Variants in DGKB observed in about 807,000 individuals in gnomAD.
The protein encoded by DGKB is diacylglycerol kinase beta.
A neutral mutation model predicts 114.3 loss-of-function variants in DGKB; 67 were observed. The ratio of observed to expected loss-of-function variants is 0.59; its 90% CI spans 0.48 to 0.72. DGKB has a LOEUF of 0.72. DGKB is among the 30% of genes least tolerant of loss of function. The pLI is 0.00. For synonymous variants in DGKB, 398 were observed against 323.1 expected (o/e 1.23, Z -2.49); for missense variants, 907 against 975.2 (o/e 0.93, Z 0.93).
At chr7:14,382,656 C>G (rs1362757792) in intron 21 of DGKB, among the ~76,000 whole-genome samples, 1 of 151,972 alleles carries the variant, frequency 6.6e-6, no homozygotes, top group East Asian at 1.9e-4. Context: ...TTTGGAGAAC[C>G]CAATAGGTAA....
intron 23 of DGKB, among the ~76,000 whole-genome samples, chr7:14,277,743 T>C (rs1381439182): frequency 1.3e-5 from 2 of 152,226 alleles, no homozygotes; most frequent in Non-Finnish European, 2.9e-5. Context: ...GATATCCTTT[T>C]GACATATTGA....
chr7:14,232,746 G>T (rs1166744438), intron 23 of DGKB, among the ~76,000 whole-genome samples: 1 of 151,992 alleles, frequency 6.6e-6, no homozygotes, highest in Non-Finnish European at 1.5e-5. Flanking sequence ...AGTGTAAAGT[G>T]TTTTATCATT....
At chr7:14,571,171 T>A (rs887962966) in intron 20 of DGKB, among the ~76,000 whole-genome samples, 1 of 152,152 alleles carries the variant, frequency 6.6e-6, no homozygotes, top group African/African-American at 2.4e-5. Flanking sequence ...AAATGTTTAT[T>A]TAGGAAAAAC....
At chr7:14,786,185 T>C (rs2128497035) in intron 2 of DGKB, among the ~76,000 whole-genome samples, 1 of 152,108 alleles carries the variant, frequency 6.6e-6, no homozygotes. Context: ...TAAGATATTA[T>C]ATTCTAGTAT....
At chr7:14,279,028 C>A (rs942164875) in intron 23 of DGKB, among the ~76,000 whole-genome samples, 3 of 152,074 alleles carry the variant, frequency 2.0e-5, no homozygotes, top group South Asian at 2.1e-4. Flanking sequence ...GTGCACGCAC[C>A]GTGAGCGAGC....
At chr7:14,866,228 A>G (rs1851694532) in intron 1 of DGKB, among the ~76,000 whole-genome samples, 1 of 152,160 alleles carries the variant, frequency 6.6e-6, no homozygotes. Context: ...CCAGAGTGGT[A>G]CATTTGTTGC....
At chr7:14,365,469 T>C (rs946290414) in intron 21 of DGKB, among the ~76,000 whole-genome samples, 1 of 152,014 alleles carries the variant, frequency 6.6e-6, no homozygotes, top group South Asian at 2.1e-4. Context: ...CAGTATAAAT[T>C]CAAATCCTGT....
At chr7:14,300,278 AT>A (rs1019010626) in intron 23 of DGKB, among the ~76,000 whole-genome samples, 1 of 151,926 alleles carries the variant, frequency 6.6e-6, no homozygotes, top group Non-Finnish European at 1.5e-5. Context: ...TTCCTATTTC[AT>A]TTTTTTCCCT....
intron 1 of DGKB, among the ~76,000 whole-genome samples, chr7:14,856,071 A>G (rs777993530): frequency 5.9e-5 from 9 of 151,978 alleles, no homozygotes; most frequent in Non-Finnish European, 1.3e-4. Flanking sequence ...TTTGAAGCAC[A>G]TATGCCTATC....
intron 23 of DGKB, among the ~76,000 whole-genome samples, chr7:14,314,295 G>A (rs1471981734): frequency 4.6e-5 from 7 of 152,112 alleles, no homozygotes; most frequent in African/African-American, 1.2e-4. Context: ...TGACTTTGAC[G>A]AGCTGAGAGA....
chr7:14,880,501 C>T (rs1420193781), intron 1 of DGKB, among the ~76,000 whole-genome samples: 1 of 152,062 alleles, frequency 6.6e-6, no homozygotes, highest in Non-Finnish European at 1.5e-5. Context: ...CATATTGTTT[C>T]TAGATGAAGC....
At chr7:14,503,361 A>G (rs1031690037) in intron 20 of DGKB, among the ~76,000 whole-genome samples, 1 of 152,038 alleles carries the variant, frequency 6.6e-6, no homozygotes, top group African/African-American at 2.4e-5. Flanking sequence ...CATTTTCCCA[A>G]AGAGGAGATG....
chr7:14,906,212 C>A (rs73287463), upstream of DGKB, among the ~76,000 whole-genome samples: 441 of 151,574 alleles, frequency 2.9e-3, 3 homozygotes, highest in African/African-American at 0.01. Context: ...TGGACTAGAG[C>A]CTTAAAAAAA....
intron 1 of DGKB, among the ~76,000 whole-genome samples, chr7:14,882,290 A>T (rs1261767331): frequency 1.3e-5 from 2 of 152,094 alleles, no homozygotes; most frequent in Non-Finnish European, 2.9e-5. Flanking sequence ...TGACAGTCAG[A>T]GTTTATACCA....
chr7:14,701,856 A>G (rs1054131430), intron 6 of DGKB, 126 bp from the exon 7 acceptor site: 5 of 634,702 alleles, frequency 7.9e-6, no homozygotes, highest in East Asian at 2.8e-5. Context: ...GCTCCAAACA[A>G]TTAATTTGTG....
At chr7:14,299,788 T>C (rs186401878) in intron 23 of DGKB, among the ~76,000 whole-genome samples, 1 of 152,038 alleles carries the variant, frequency 6.6e-6, no homozygotes, top group African/African-American at 2.4e-5. Context: ...TTGTTACACA[T>C]CCCTGTAAGG....
intron 20 of DGKB, among the ~76,000 whole-genome samples, chr7:14,512,289 C>T (rs913626829): frequency 4.6e-5 from 7 of 152,180 alleles, no homozygotes; most frequent in East Asian, 1.9e-4. Flanking sequence ...GAGAAATCCA[C>T]GTTATTTTTA....
chr7:14,561,136 T>A (rs1318486109), intron 20 of DGKB, among the ~76,000 whole-genome samples: 4 of 152,160 alleles, frequency 2.6e-5, no homozygotes, highest in Non-Finnish European at 5.9e-5. Flanking sequence ...AACTGAATTA[T>A]GGGAGCAGGT....
Position 14,533,726 on chromosome 7 carries a change from T to C in DGKB, c.1770+40486A>G, listed in dbSNP as rs185128039. Among the ~76,000 whole-genome samples, 311 of 152,114 alleles carry C rather than the reference T, an allele frequency of 2.0e-3. 2 individuals are homozygous for C. The highest frequency in any genetic ancestry group is 7.0e-3 in the African/African-American group (290 of 41,564). ...AACACCTATAAACTATCAGCAGATT[T>C]CTCAGCAGAAATGTTTCAGTCCAGG... On this transcript the variant is annotated intron_variant, in intron 20 of 25. Coordinates refer to ENST00000402815, the MANE Select transcript of DGKB (RefSeq NM_001350709.2).
Sources: allele counts gnomAD v4.1 joint callset (sites outside exome capture counted in the v4.1 genomes callset), GRCh38; gene constraint gnomAD v4.1.1; transcripts MANE v1.5; gene names NCBI Gene and HGNC (gene_info 2026-07-23, HGNC 2026-07-21).